The following PIGP variants were observed in gnomAD, a reference collection of about 807,000 sequenced individuals.
The protein encoded by PIGP is phosphatidylinositol N-acetylglucosaminyltransferase subunit P.
PIGP carries 12 observed loss-of-function variants against 16.9 expected under a neutral mutation model. The observed-to-expected ratio is 0.71, with a 90% confidence interval of 0.46 to 1.15. The LOEUF is 1.15. PIGP is among the 50% of genes most tolerant of loss of function. The probability of loss-of-function intolerance (pLI) is 0.00; values close to 1 mark genes in which losing one functional copy is unlikely to be tolerated. For missense variants in PIGP, 159 were observed against 153.5 expected (o/e 1.04, Z -0.19); for synonymous variants, 57 against 54.7 (o/e 1.04, Z -0.18).
In PIGP at chr21:37,067,311, C is replaced by A. The variant is rs2069922526; in HGVS notation, c.225G>T (p.Gly75=). 1 of 1,611,986 alleles carries A rather than the reference C, an allele frequency of 6.2e-7. No homozygotes were observed. Among genetic ancestry groups the A allele is most frequent in the Non-Finnish European group, 8.5e-7 (1 of 1,178,164 alleles). Residue 75 remains glycine, a synonymous_variant, in exon 4 of 5, where the codon GGG becomes GGT. Coordinates refer to ENST00000360525, the MANE Select transcript of PIGP (RefSeq NM_153682.3). ...GTGGAGAGGTACTCATCATGTTAAT[C>A]CCAAACAAGAGCACGTAGCCAATTA... ...AIVIGYVLLF[G]INMMSTSPLD...
rs1846720151 is a variant in PIGP, at chr21:37,065,393, A to G, written c.*189T>C. ...CTGCTATATGGGAATGCAATATTGT[A>G]TTTATTCTATTCATTAACAATACTT... On this transcript the variant is annotated 3_prime_UTR_variant, in exon 5 of 5. Coordinates refer to ENST00000360525, the MANE Select transcript of PIGP (RefSeq NM_153682.3). The G allele has an allele frequency of 6.2e-6, 3 of 486,260 alleles. No individual in the cohort carries two copies. Among genetic ancestry groups the G allele is most frequent in the African/African-American group, 2.0e-5 (1 of 49,244 alleles). 30.1% of individuals were successfully genotyped at this position (486,260 alleles called of 1,614,324 possible).
intron 3 of PIGP, among the ~76,000 whole-genome samples, chr21:37,069,085 CA>C (rs1226457942): frequency 6.6e-6 from 1 of 152,148 alleles, no homozygotes; most frequent in Non-Finnish European, 1.5e-5. Context: ...GTTTTCAGTT[CA>C]ACCCAGAATT....
In PIGP at chr21:37,071,320, C is replaced by T. The variant is rs141144877; in HGVS notation, c.82+1114G>A. 1.4e-3 allele frequency among the ~76,000 whole-genome samples: 206 copies of T among 152,322 alleles called. 2 individuals are homozygous for T. The highest frequency in any genetic ancestry group is 4.5e-3 in the African/African-American group (187 of 41,572). ...AATTTAGAAGGCTTTTATTTAGTAG[C>T]TTTGCAATCTTGAGCAAGTTACTGA... is the stretch of plus-strand genomic sequence containing the variant. On this transcript the variant is annotated intron_variant, in intron 2 of 4. Transcript: ENST00000360525.
rs1050129087 is a variant in PIGP, at chr21:37,065,811, T to C, written c.275-99A>G. On this transcript the variant is annotated intron_variant, in intron 4 of 4. Coordinates refer to ENST00000360525, the MANE Select transcript of PIGP (RefSeq NM_153682.3). ...ACCACATAGTTTACTAGGCTGACGT[T>C]TGGATAGTGACAAACATCATGTTTA... 8 of 943,006 alleles carry C rather than the reference T, an allele frequency of 8.5e-6. No homozygotes were observed. In the African/African-American group the frequency reaches 1.0e-4, roughly 12 times the overall value. The allele number at this position is 943,006 out of a possible 1,614,324, so 58.4% of individuals were successfully genotyped here. A position where few individuals can be genotyped will look rare whatever the true frequency, so the allele number is the denominator to read the frequency against.
At chr21:37,066,047 C>T (rs934776593) in intron 4 of PIGP, among the ~76,000 whole-genome samples, 12 of 151,792 alleles carry the variant, frequency 7.9e-5, no homozygotes, top group African/African-American at 2.9e-4. Flanking sequence ...TGCGCCATTG[C>T]ACTCCAGCCT....
chr21:37,070,524 G>T (rs1380639712), intron 2 of PIGP, among the ~76,000 whole-genome samples: 1 of 152,122 alleles, frequency 6.6e-6, no homozygotes, highest in South Asian at 2.1e-4. Context: ...ACATTAGAAG[G>T]CCCTCCTTCC....
intron 4 of PIGP, among the ~76,000 whole-genome samples, chr21:37,066,629 G>A (rs1381740791): frequency 1.3e-5 from 2 of 152,044 alleles, no homozygotes; most frequent in Admixed American, 6.6e-5. Context: ...CCACTTAATT[G>A]GAATAAGGAG....
chr21:37,066,311 A>C (rs2069902359), intron 4 of PIGP, among the ~76,000 whole-genome samples: 1 of 152,132 alleles, frequency 6.6e-6, no homozygotes, highest in Non-Finnish European at 1.5e-5. Flanking sequence ...TTTGGTATAA[A>C]TATTCATGCA....
rs373053801 is a variant in PIGP at position 37,072,549 on chromosome 21, G to A, written c.-22-12C>T. The A allele has an allele frequency of 1.4e-5, 22 of 1,614,078 alleles. No individual in the cohort carries two copies. The African/African-American group carries it at 2.1e-4, about 16-fold the overall frequency. On this transcript the variant is annotated splice_polypyrimidine_tract_variant and intron_variant, in intron 1 of 4. Transcript: ENST00000360525. ...GGGCTTTAGACAATCTGTGGAAAAG[G>A]AACACAATCAGCGTCAGCGATGTGC...
At position 37,067,254 on chromosome 21, in the gene PIGP, A is replaced by G. The variant is rs757865832; in HGVS notation, c.274+8T>C. On this transcript the variant is annotated splice_region_variant and intron_variant, in intron 4 of 4. Coordinates refer to ENST00000360525, the MANE Select transcript of PIGP (RefSeq NM_153682.3). ...TTGCCCCAGCACTTTCCTTTTATATAAAGTTACCTGTGATTGTATGGATGG... is the reference window on the plus strand; with the variant it reads ...TTGCCCCAGCACTTTCCTTTTATATGAAGTTACCTGTGATTGTATGGATGG... 2.7e-6 allele frequency: 4 copies of G among 1,481,164 alleles called. No homozygotes were observed. The Admixed American group carries it at 6.7e-5, about 25-fold the overall frequency. The allele number at this position is 1,481,164 out of a possible 1,614,324, so 91.8% of individuals were successfully genotyped here.
intron 4 of PIGP, 33 bp downstream of exon 4, chr21:37,067,229 T>A (rs1236691961): frequency 8.1e-7 from 1 of 1,239,686 alleles, no homozygotes; most frequent in Non-Finnish European, 1.2e-6. Flanking sequence ...CACTCTTTCA[T>A]TGCCCCAGCA....
chr21:37,069,295 G>GTT (rs771377471), intron 3 of PIGP: 1,170 of 204,680 alleles, frequency 5.7e-3, no homozygotes, highest in Middle Eastern at 0.014. Context: ...TGTATCTTCA[G>GTT]TTTTTTTTTT....
chr21:37,067,764 C>T (rs570593158), intron 3 of PIGP, among the ~76,000 whole-genome samples: 20 of 152,150 alleles, frequency 1.3e-4, no homozygotes, highest in Non-Finnish European at 2.2e-4. Flanking sequence ...ATTGCAATTT[C>T]TCATTATAGC....
chr21:37,066,098 AAAATAAAT>A (rs889743369), intron 4 of PIGP, among the ~76,000 whole-genome samples: 5 of 151,260 alleles, frequency 3.3e-5, no homozygotes, highest in African/African-American at 7.3e-5. Flanking sequence ...TAAAAAATAA[AAAATAAAT>A]AAATAAATAA....
chr21:37,065,541 T>C lies in PIGP; in HGVS notation c.*41A>G. Reference sequence around the variant, plus strand: ...TCAAAATTATAATGGCAAAAACTTATAAATAAATACGTGCTTGGTGTTACT... The same window carrying C: ...TCAAAATTATAATGGCAAAAACTTACAAATAAATACGTGCTTGGTGTTACT... On this transcript the variant is annotated 3_prime_UTR_variant, in exon 5 of 5. Coordinates refer to ENST00000360525, the MANE Select transcript of PIGP (RefSeq NM_153682.3). The C allele has an allele frequency of 1.3e-6, 2 of 1,577,580 alleles. No homozygotes were observed. Among genetic ancestry groups the C allele is most frequent in the Non-Finnish European group, 1.7e-6 (2 of 1,168,260 alleles).
chr21:37,072,964 T>A, intron 1 of PIGP, 36 bp downstream of exon 1: 1 of 202,604 alleles, frequency 4.9e-6, no homozygotes, highest in Non-Finnish European at 9.9e-6. Context: ...GGGTCCTTCA[T>A]ACGCCCACCC....
chr21:37,071,341 A>G (rs948623300), intron 2 of PIGP, among the ~76,000 whole-genome samples: 1 of 152,250 alleles, frequency 6.6e-6, no homozygotes, highest in Non-Finnish European at 1.5e-5. Context: ...TGAGCAAGTT[A>G]CTGAAACCAC....
Position 37,072,644 on chromosome 21 carries a change from G to T in PIGP, c.-22-107C>A. On this transcript the variant is annotated intron_variant, in intron 1 of 4. Coordinates refer to ENST00000360525, the MANE Select transcript of PIGP (RefSeq NM_153682.3). ...GGTACGGCCCCCGCCGCGCAGAACC[G>T]CCTCCCGCGCCTCCGTCCGCAACCC... is the stretch of plus-strand genomic sequence containing the variant. 6 of 1,570,102 alleles carry T rather than the reference G, an allele frequency of 3.8e-6. No homozygotes were observed. The Admixed American group carries it at 6.8e-5, about 18-fold the overall frequency.
rs140253885 is a variant in PIGP, at chr21:37,065,617, A to C, written c.370T>G (p.Phe124Val). Residue 124 changes from phenylalanine to valine, a missense_variant, in exon 5 of 5, where the codon TTT (phenylalanine) becomes GTT (valine). Transcript: ENST00000360525. ...GTGTAAAGTTCTTTGGCTGCAAGAAAGAACATTTGGTTTACTTCACTAATA... is the reference window on the plus strand; with the variant it reads ...GTGTAAAGTTCTTTGGCTGCAAGAACGAACATTTGGTTTACTTCACTAATA... ...ISISEVNQMF[F>V]LAAKELYTKN 3.7e-6 allele frequency: 6 copies of C among 1,613,582 alleles called. No homozygotes were observed. Among genetic ancestry groups the C allele is most frequent in the Middle Eastern group, 1.7e-4 (1 of 6,054 alleles).
Sources: allele counts gnomAD v4.1 joint callset (sites outside exome capture counted in the v4.1 genomes callset), GRCh38; gene constraint gnomAD v4.1.1; transcripts MANE v1.5; gene names NCBI Gene and HGNC (gene_info 2026-07-23, HGNC 2026-07-21).